The following TMEM117 variants were observed in gnomAD, a reference collection of about 807,000 sequenced individuals.
TMEM117 encodes transmembrane protein 117.
In TMEM117, 27 loss-of-function variants were observed where a neutral mutation model predicts 52.4. The observed-to-expected ratio is 0.51, with a 90% confidence interval of 0.38 to 0.71. The LOEUF (loss-of-function observed/expected upper bound fraction) is 0.71, where lower values mean the gene tolerates loss of function less well. TMEM117 is among the 30% of genes least tolerant of loss of function. The probability of loss-of-function intolerance (pLI) is 0.00; values close to 1 mark genes in which losing one functional copy is unlikely to be tolerated. For synonymous variants in TMEM117, 215 were observed against 206.3 expected (o/e 1.04, Z -0.36); for missense variants, 556 against 630.5 (o/e 0.88, Z 1.26).
intron 5 of TMEM117, among the ~76,000 whole-genome samples, chr12:44,214,083 T>G (rs1949682265): frequency 6.6e-6 from 1 of 151,950 alleles, no homozygotes; most frequent in Non-Finnish European, 1.5e-5. Context: ...ATTTTTTCTT[T>G]GAACATTATC....
intron 4 of TMEM117, among the ~76,000 whole-genome samples, chr12:44,153,801 C>T (rs929229857): frequency 4.0e-5 from 6 of 151,802 alleles, no homozygotes; most frequent in South Asian, 2.1e-4. Flanking sequence ...GTGTTTTAAC[C>T]ATATTTAGTT....
At chr12:44,099,386 T>C (rs1947825385) in intron 3 of TMEM117, among the ~76,000 whole-genome samples, 1 of 152,096 alleles carries the variant, frequency 6.6e-6, no homozygotes, top group South Asian at 2.1e-4. Context: ...ACAGTGGACT[T>C]GGTTGAAGAA....
chr12:44,244,880 G>T (rs1430448478), intron 5 of TMEM117, among the ~76,000 whole-genome samples: 1 of 151,964 alleles, frequency 6.6e-6, no homozygotes, highest in African/African-American at 2.4e-5. Context: ...TATGAGGTGA[G>T]ATAAGGGTCC....
At chr12:44,276,902 G>GTGTA (rs1195216138) in intron 5 of TMEM117, among the ~76,000 whole-genome samples, 1 of 145,808 alleles carries the variant, frequency 6.9e-6, no homozygotes, top group African/African-American at 2.7e-5. Flanking sequence ...GTGTGTGTGT[G>GTGTA]TGTGTATGTG....
At chr12:43,975,620 G>C (rs145592119) in intron 3 of TMEM117, among the ~76,000 whole-genome samples, 5 of 152,104 alleles carry the variant, frequency 3.3e-5, no homozygotes, top group African/African-American at 1.2e-4. Flanking sequence ...GTTTTCCTAG[G>C]TATAAAGTAA....
intron 6 of TMEM117, among the ~76,000 whole-genome samples, chr12:44,320,727 T>C (rs112834363): frequency 1.3e-5 from 2 of 152,356 alleles, no homozygotes; most frequent in African/African-American, 4.8e-5. Context: ...CTCATCTGCC[T>C]CTCTCAAATA....
intron 5 of TMEM117, among the ~76,000 whole-genome samples, chr12:44,261,766 C>T (rs1950323149): frequency 6.6e-6 from 1 of 152,128 alleles, no homozygotes; most frequent in Admixed American, 6.6e-5. Flanking sequence ...CTCTGAGAAA[C>T]CTTCACATGC....
the TMEM117 span, among the ~76,000 whole-genome samples, chr12:43,829,701 T>C: frequency 6.6e-6 from 1 of 152,184 alleles, no homozygotes; most frequent in African/African-American, 2.4e-5. Context: ...GTCACATTCC[T>C]GTTTATGAGG....
chr12:43,909,721 C>T (rs4768539), intron 2 of TMEM117, among the ~76,000 whole-genome samples: 107,373 of 150,092 alleles, frequency 0.72, 41,529 homozygotes, highest in East Asian at 0.87. Context: ...AACACCTCTA[C>T]GCAAATAAAC....
At chr12:43,996,504 G>A (rs993465450) in intron 3 of TMEM117, among the ~76,000 whole-genome samples, 3 of 152,102 alleles carry the variant, frequency 2.0e-5, no homozygotes, top group Admixed American at 6.5e-5. Context: ...TTAGCTGGGC[G>A]TGGTGGCGGG....
At chr12:43,895,621 C>T (rs1944187340) in intron 2 of TMEM117, among the ~76,000 whole-genome samples, 1 of 152,174 alleles carries the variant, frequency 6.6e-6, no homozygotes, top group Non-Finnish European at 1.5e-5. Context: ...CATATCAAAA[C>T]AACTGTCTGA....
chr12:44,073,774 T>C (rs1295478633), intron 3 of TMEM117: 1 of 152,190 alleles, frequency 6.6e-6, no homozygotes, highest in Non-Finnish European at 1.5e-5. Context: ...CATTTGCAAG[T>C]TGATGTCCAG....
intron 3 of TMEM117, among the ~76,000 whole-genome samples, chr12:44,021,119 T>C (rs1234014134): frequency 6.6e-6 from 1 of 152,156 alleles, no homozygotes; most frequent in Non-Finnish European, 1.5e-5. Flanking sequence ...GTAAATAAAC[T>C]TATTTTAGGA....
chr12:44,020,630 C>G (rs1438245348), intron 3 of TMEM117, among the ~76,000 whole-genome samples: 3 of 152,160 alleles, frequency 2.0e-5, no homozygotes, highest in Admixed American at 6.5e-5. Flanking sequence ...GCTATGAATG[C>G]TGATTTAAAC....
chr12:44,080,271 A>G (rs1465361900), intron 3 of TMEM117, among the ~76,000 whole-genome samples: 1 of 152,088 alleles, frequency 6.6e-6, no homozygotes, highest in Non-Finnish European at 1.5e-5. Context: ...ACTTACAATC[A>G]TGGTGGAAGG....
At chr12:44,194,091 A>G (rs113973015) in intron 4 of TMEM117, among the ~76,000 whole-genome samples, 5 of 152,336 alleles carry the variant, frequency 3.3e-5, no homozygotes, top group African/African-American at 7.2e-5. Context: ...GAAAGACTGA[A>G]CCATTTGAAA....
intron 5 of TMEM117, among the ~76,000 whole-genome samples, chr12:44,247,963 G>A (rs559526209): frequency 2.6e-5 from 4 of 152,330 alleles, no homozygotes; most frequent in African/African-American, 9.6e-5. Context: ...CTTCCATGTG[G>A]GGCTTGAGGG....
chr12:43,873,100 A>G (rs1410093843), intron 2 of TMEM117, among the ~76,000 whole-genome samples: 1 of 152,214 alleles, frequency 6.6e-6, no homozygotes, highest in Admixed American at 6.5e-5. Flanking sequence ...GGAGAGACAG[A>G]GGATTTTGCA....
intron 3 of TMEM117, among the ~76,000 whole-genome samples, chr12:44,117,344 G>T (rs866043054): frequency 1.3e-5 from 2 of 151,036 alleles, no homozygotes; most frequent in Admixed American, 6.6e-5. Flanking sequence ...ATAGCATACT[G>T]TTTTTTTTTC....
Sources: gnomAD v4.1 joint callset for allele counts (sites outside exome capture counted in the v4.1 genomes callset) on GRCh38, gnomAD v4.1.1 for gene constraint, MANE v1.5 for transcripts, NCBI Gene and HGNC (gene_info 2026-07-23, HGNC 2026-07-21) for gene names.